DPP10: variants seen among roughly 807,000 people sequenced by gnomAD.
DPP10 encodes the protein dipeptidyl peptidase like 10.
DPP10 carries 33 observed loss-of-function variants against 120.9 expected under a neutral mutation model. The observed-to-expected ratio is 0.27, with a 90% CI of 0.21 to 0.37. The LOEUF (loss-of-function observed/expected upper bound fraction) is 0.37, where lower values mean the gene tolerates loss of function less well. DPP10 is among the 10% of genes least tolerant of loss of function. DPP10 has a pLI of 1.00. For synonymous variants in DPP10, 337 were observed against 326.1 expected (o/e 1.03, Z -0.36); for missense variants, 816 against 942.8 (o/e 0.87, Z 1.76).
At chr2:114,958,865 A>G (rs187542155) in intron 1 of DPP10, among the ~76,000 whole-genome samples, 38 of 152,270 alleles carry the variant, frequency 2.5e-4, no homozygotes, top group Admixed American at 2.0e-3. Flanking sequence ...GTTATATACA[A>G]GGTAGGCTTT....
At chr2:114,535,132 T>C (rs1375984995) in intron 1 of DPP10, among the ~76,000 whole-genome samples, 4 of 152,116 alleles carry the variant, frequency 2.6e-5, no homozygotes, top group Middle Eastern at 3.2e-3. Flanking sequence ...GTGGGTTTCA[T>C]GGGGAAACAA....
At chr2:115,093,926 T>C (rs545308625) in intron 1 of DPP10, among the ~76,000 whole-genome samples, 2 of 152,220 alleles carry the variant, frequency 1.3e-5, no homozygotes, top group Admixed American at 1.3e-4. Context: ...AAAACTATTT[T>C]TTTGTGTCCA....
At chr2:115,740,222 G>A (rs963862499) in intron 9 of DPP10, among the ~76,000 whole-genome samples, 16 of 151,916 alleles carry the variant, frequency 1.1e-4, no homozygotes, top group Non-Finnish European at 1.9e-4. Context: ...TTTGTCCAAG[G>A]CCTATTCCAT....
intron 1 of DPP10, among the ~76,000 whole-genome samples, chr2:115,158,613 A>G (rs931918006): frequency 6.6e-6 from 1 of 152,182 alleles, no homozygotes; most frequent in Non-Finnish European, 1.5e-5. Flanking sequence ...CCAAAATAGA[A>G]GGAATTTTGC....
intron 1 of DPP10, among the ~76,000 whole-genome samples, chr2:115,146,989 C>T (rs2051260465): frequency 6.6e-6 from 1 of 152,096 alleles, no homozygotes; most frequent in Non-Finnish European, 1.5e-5. Context: ...TTTGTTATAA[C>T]AGTGCATAGG....
At chr2:114,986,792 A>G (rs1364254364) in intron 1 of DPP10, among the ~76,000 whole-genome samples, 1 of 152,150 alleles carries the variant, frequency 6.6e-6, no homozygotes, top group East Asian at 1.9e-4. Flanking sequence ...TTTTCTCAGG[A>G]TGGAGTCTCA....
intron 1 of DPP10, among the ~76,000 whole-genome samples, chr2:114,463,770 A>G (rs1478022818): frequency 1.3e-5 from 2 of 152,156 alleles, no homozygotes; most frequent in Admixed American, 6.5e-5. Flanking sequence ...TCGCCACCCT[A>G]AAAGAATCTC....
intron 5 of DPP10, among the ~76,000 whole-genome samples, chr2:115,560,240 T>G (rs2080482210): frequency 1.4e-5 from 2 of 144,758 alleles, no homozygotes; most frequent in African/African-American, 5.4e-5. Flanking sequence ...GTGTGGTGGC[T>G]GGTGCCTGTA....
intron 5 of DPP10, among the ~76,000 whole-genome samples, chr2:115,565,054 C>A (rs536156405): frequency 7.9e-5 from 12 of 152,078 alleles, no homozygotes; most frequent in Non-Finnish European, 1.8e-4. Flanking sequence ...AGAGCAAAAT[C>A]ATGAAAATGT....
At chr2:115,550,751 TA>T (rs982122540) in intron 5 of DPP10, among the ~76,000 whole-genome samples, 17 of 152,268 alleles carry the variant, frequency 1.1e-4, no homozygotes, top group African/African-American at 3.8e-4. Context: ...TGGCCTGGTA[TA>T]ATTTAAGATC....
chr2:115,222,674 A>G (rs913237929), intron 1 of DPP10, among the ~76,000 whole-genome samples: 5 of 152,154 alleles, frequency 3.3e-5, no homozygotes, highest in Admixed American at 1.3e-4. Flanking sequence ...ATCTTTGACT[A>G]TTAGAGTAGA....
chr2:115,372,808 A>C (rs1010854216), intron 3 of DPP10, among the ~76,000 whole-genome samples: 3 of 152,198 alleles, frequency 2.0e-5, no homozygotes, highest in African/African-American at 7.2e-5. Context: ...GAATGAGTGC[A>C]GTTATTCCTG....
At chr2:114,643,346 C>G (rs1268129609) in intron 1 of DPP10, among the ~76,000 whole-genome samples, 1 of 151,920 alleles carries the variant, frequency 6.6e-6, no homozygotes, top group Non-Finnish European at 1.5e-5. Context: ...TGAAGCAATG[C>G]CGCCTGGTAG....
At chr2:115,074,988 T>C (rs950026789) in intron 1 of DPP10, among the ~76,000 whole-genome samples, 1 of 152,108 alleles carries the variant, frequency 6.6e-6, no homozygotes, top group African/African-American at 2.4e-5. Flanking sequence ...CCATCCAAGA[T>C]GAAATGTCGG....
chr2:115,366,808 A>G (rs2065106035), intron 3 of DPP10, among the ~76,000 whole-genome samples: 1 of 151,988 alleles, frequency 6.6e-6, no homozygotes, highest in Non-Finnish European at 1.5e-5. Flanking sequence ...AATAATTGAT[A>G]TTGTGTCTTT....
At chr2:114,766,512 T>A (rs1022305120) in intron 1 of DPP10, among the ~76,000 whole-genome samples, 5 of 152,176 alleles carry the variant, frequency 3.3e-5, no homozygotes, top group African/African-American at 7.2e-5. Flanking sequence ...CATTTTTTTT[T>A]ACTGGAAACA....
chr2:115,378,618 C>G (rs1279431425), intron 3 of DPP10, among the ~76,000 whole-genome samples: 1 of 149,962 alleles, frequency 6.7e-6, no homozygotes, highest in Non-Finnish European at 1.5e-5. Flanking sequence ...AGAGGACATC[C>G]CTGTCTTGTG....
chr2:115,189,558 A>G (rs974794895), intron 1 of DPP10, among the ~76,000 whole-genome samples: 1 of 152,234 alleles, frequency 6.6e-6, no homozygotes, highest in African/African-American at 2.4e-5. Context: ...TTCTTTGAAG[A>G]GAAACTTGGG....
chr2:115,621,804 A>G (rs1413320768), intron 5 of DPP10, among the ~76,000 whole-genome samples: 1 of 152,030 alleles, frequency 6.6e-6, no homozygotes, highest in Non-Finnish European at 1.5e-5. Context: ...CAGATTCCCA[A>G]GTAGCTGGGA....
Sources: allele counts gnomAD v4.1 joint callset (sites outside exome capture counted in the v4.1 genomes callset), GRCh38; gene constraint gnomAD v4.1.1; transcripts MANE v1.5; gene names NCBI Gene and HGNC (gene_info 2026-07-23, HGNC 2026-07-21).